CLIP1: variants seen among roughly 807,000 people sequenced by gnomAD.
The protein encoded by CLIP1 is CAP-Gly domain containing linker protein 1.
A neutral mutation model predicts 161.6 loss-of-function variants in CLIP1; 66 were observed. The ratio of observed to expected loss-of-function variants is 0.41; its 90% CI spans 0.33 to 0.50. The LOEUF (loss-of-function observed/expected upper bound fraction) is 0.50. Ranked by LOEUF, CLIP1 falls within the 20% of genes least tolerant of loss-of-function variation. The pLI, the probability that CLIP1 is intolerant of heterozygous loss-of-function variation, is 0.27. For missense variants in CLIP1, 1,376 were observed against 1,702.0 expected, an observed-to-expected ratio of 0.81 and a Z score of 3.37; for synonymous variants, 598 against 626.2, an observed-to-expected ratio of 0.96 and a Z score of 0.67.
chr12:122,314,339 C>T (rs528839917), intron 19 of CLIP1, among the ~76,000 whole-genome samples: 5 of 150,754 alleles, frequency 3.3e-5, no homozygotes, highest in South Asian at 4.2e-4. Flanking sequence ...GGCATGGCGA[C>T]GCGCGCCTGT....
chr12:122,308,634 C>A (rs899461439), intron 20 of CLIP1, among the ~76,000 whole-genome samples: 1 of 152,146 alleles, frequency 6.6e-6, no homozygotes, highest in African/African-American at 2.4e-5. Flanking sequence ...TCCCCTTTTA[C>A]AAATGGGGAT....
intron 20 of CLIP1, among the ~76,000 whole-genome samples, chr12:122,290,312 A>T (rs907386102): frequency 1.3e-5 from 2 of 152,148 alleles, no homozygotes; most frequent in South Asian, 4.1e-4. Context: ...GCCCATTAAG[A>T]TGTATGTTTT....
intron 11 of CLIP1, among the ~76,000 whole-genome samples, chr12:122,337,800 A>G (rs1323475970): frequency 6.6e-6 from 1 of 151,284 alleles, no homozygotes; most frequent in Admixed American, 6.6e-5. Flanking sequence ...CGGATCACGA[A>G]GTCAGGAGAT....
At chr12:122,383,312 C>A (rs182366750) in intron 1 of CLIP1, among the ~76,000 whole-genome samples, 1 of 152,180 alleles carries the variant, frequency 6.6e-6, no homozygotes. Flanking sequence ...GTTGGGCTCA[C>A]GTCAAGCACT....
At chr12:122,410,458 C>CTT (rs34639257) in intron 1 of CLIP1, among the ~76,000 whole-genome samples, 11 of 119,506 alleles carry the variant, frequency 9.2e-5, no homozygotes, top group African/African-American at 1.2e-4. Flanking sequence ...CACACACACA[C>CTT]TTTTTTTTTT....
At chr12:122,288,358 G>A (rs1955944199) in intron 21 of CLIP1, 131 bp downstream of exon 21, 1 of 760,524 alleles carries the variant, frequency 1.3e-6, no homozygotes, top group Non-Finnish European at 2.1e-6. Context: ...TCAGTTACAA[G>A]TACCAAACTA....
chr12:122,397,121 T>C (rs1303305300), intron 1 of CLIP1, among the ~76,000 whole-genome samples: 1 of 151,316 alleles, frequency 6.6e-6, no homozygotes, highest in Admixed American at 6.6e-5. Flanking sequence ...CAGCTCCCGC[T>C]ACAGTTCAGT....
At chr12:122,345,317 C>T (rs1438659743) in intron 10 of CLIP1, among the ~76,000 whole-genome samples, 1 of 124,938 alleles carries the variant, frequency 8.0e-6, no homozygotes, top group Admixed American at 8.8e-5. Context: ...CCACCACACC[C>T]AGCTAATTTT....
chr12:122,383,313 G>A (rs187912548), intron 1 of CLIP1, among the ~76,000 whole-genome samples: 3 of 152,320 alleles, frequency 2.0e-5, no homozygotes, highest in African/African-American at 2.4e-5. Flanking sequence ...TTGGGCTCAC[G>A]TCAAGCACTC....
intron 18 of CLIP1, among the ~76,000 whole-genome samples, chr12:122,317,067 T>C (rs548459638): frequency 4.6e-5 from 7 of 152,304 alleles, no homozygotes; most frequent in Non-Finnish European, 1.0e-4. Flanking sequence ...ATATATATCC[T>C]GTACACCTGG....
chr12:122,420,242 AGCTGAG>A (rs1956895695), intron 1 of CLIP1, among the ~76,000 whole-genome samples: 1 of 151,126 alleles, frequency 6.6e-6, no homozygotes, highest in Non-Finnish European at 1.5e-5. Context: ...CTACTCGGGA[AGCTGAG>A]GCAGGAGAAT....
intron 1 of CLIP1, among the ~76,000 whole-genome samples, chr12:122,387,452 G>C (rs1334198089): frequency 6.9e-6 from 1 of 144,314 alleles, no homozygotes; most frequent in African/African-American, 2.5e-5. Flanking sequence ...GTGGAGGCGG[G>C]GGGGAGGACT....
chr12:122,327,660 A>G (rs1340223255), intron 17 of CLIP1, among the ~76,000 whole-genome samples: 1 of 151,876 alleles, frequency 6.6e-6, no homozygotes, highest in African/African-American at 2.4e-5. Flanking sequence ...AGGCAACGAA[A>G]GAACCTTTGT....
chr12:122,277,413 C>G (rs1418526354), intron 24 of CLIP1: 6 of 149,576 alleles, frequency 4.0e-5, no homozygotes, highest in Non-Finnish European at 7.4e-5. Flanking sequence ...AACTTTTGGG[C>G]TCAAGCAATC....
chr12:122,400,940 T>C (rs1410113925), intron 1 of CLIP1: 1 of 151,194 alleles, frequency 6.6e-6, no homozygotes, highest in African/African-American at 2.4e-5. Context: ...AGACAGTGTT[T>C]CACTCTTGTC....
chr12:122,415,035 GCGA>G (rs1292533485), intron 1 of CLIP1, among the ~76,000 whole-genome samples: 1 of 151,918 alleles, frequency 6.6e-6, no homozygotes, highest in African/African-American at 2.4e-5. Flanking sequence ...TCCAGCCTCG[GCGA>G]CGGAGTGAGA....
At chr12:122,322,650 C>T (rs962359448) in intron 17 of CLIP1, 1 of 152,728 alleles carries the variant, frequency 6.5e-6, no homozygotes, top group Admixed American at 6.5e-5. Context: ...AACTCCTCCA[C>T]CTCCTGCTCC....
intron 3 of CLIP1, among the ~76,000 whole-genome samples, chr12:122,371,242 T>C (rs1400685345): frequency 6.6e-6 from 1 of 152,120 alleles, no homozygotes; most frequent in Non-Finnish European, 1.5e-5. Flanking sequence ...TACTCAGGCC[T>C]GTGTGGCCAA....
chr12:122,352,850 AAAAC>A (rs1359983754), intron 7 of CLIP1, 64 bp from the exon 8 acceptor site: 63 of 1,413,076 alleles, frequency 4.5e-5, no homozygotes, highest in South Asian at 1.4e-4. Flanking sequence ...TTAAAAAAAC[AAAAC>A]AAACAAACAA....
Sources: allele counts gnomAD v4.1 joint callset (sites outside exome capture counted in the v4.1 genomes callset), GRCh38; gene constraint gnomAD v4.1.1; transcripts MANE v1.5; gene names NCBI Gene and HGNC (gene_info 2026-07-23, HGNC 2026-07-21).